Variants in DNAAF4 observed in about 807,000 individuals in gnomAD.
DNAAF4 encodes the protein dynein assembly factor 4, axonemal.
A neutral mutation model predicts 51.8 loss-of-function variants in DNAAF4; 43 were observed. The ratio of observed to expected loss-of-function variants is 0.83; its 90% confidence interval spans 0.65 to 1.07. DNAAF4 has a LOEUF of 1.07. Ranked by LOEUF, DNAAF4 falls within the 50% of genes least tolerant of loss-of-function variation. The probability of loss-of-function intolerance (pLI) is 0.00; values close to 1 mark genes in which losing one functional copy is unlikely to be tolerated. For synonymous variants in DNAAF4, 194 were observed against 165.6 expected (o/e 1.17, Z -1.32); for missense variants, 581 against 493.0 (o/e 1.18, Z -1.69).
chr15:55,491,724 TATATA>T (rs202021430), intron 3 of DNAAF4, among the ~76,000 whole-genome samples: 5,549 of 140,076 alleles, frequency 0.04, 144 homozygotes, highest in Non-Finnish European at 0.052. Context: ...TATATAATAG[TATATA>T]ATATAATATA....
intron 1 of DNAAF4, among the ~76,000 whole-genome samples, chr15:55,502,963 C>T (rs910179120): frequency 6.6e-6 from 1 of 151,876 alleles, no homozygotes; most frequent in African/African-American, 2.4e-5. Flanking sequence ...AAAAACCATT[C>T]AAAAAAATCA....
In DNAAF4 at chr15:55,477,988, C is replaced by G. The variant is rs545238402; in HGVS notation, c.406-10827G>C. On this transcript the variant is annotated intron_variant, in intron 4 of 9. Transcript: ENST00000321149. ...CACTGGAGGACTGACTGCCCCAGCT[C>G]CCACGGAGGAGCTCAGTCAGTTAAG... is the stretch of plus-strand genomic sequence containing the variant. 1.1e-4 allele frequency among the ~76,000 whole-genome samples: 17 copies of G among 152,230 alleles called. 1 individual carries two copies. In the South Asian group the frequency reaches 3.3e-3, roughly 30 times the overall value.
chr15:55,436,969 C>A (rs148663929), intron 7 of DNAAF4, among the ~76,000 whole-genome samples: 2 of 152,018 alleles, frequency 1.3e-5, no homozygotes, highest in East Asian at 3.9e-4. Flanking sequence ...TACAGGTATG[C>A]GCCACCACAC....
chr15:55,483,832 G>GATTTTTTTT (rs2058445678), intron 4 of DNAAF4, among the ~76,000 whole-genome samples: 1 of 46,304 alleles, frequency 2.2e-5, no homozygotes, highest in Admixed American at 3.7e-4. Flanking sequence ...AGCCAATAAA[G>GATTTTTTTT]CTTTTTTTTT....
chr15:55,432,339 C>G (rs2057509628), intron 9 of DNAAF4, among the ~76,000 whole-genome samples, 158 bp downstream of exon 9: 1 of 152,084 alleles, frequency 6.6e-6, no homozygotes, highest in Non-Finnish European at 1.5e-5. Context: ...ATTTAGAAAT[C>G]ATGTATTGTC....
chr15:55,477,884 G>A (rs1247644456), intron 4 of DNAAF4, among the ~76,000 whole-genome samples: 1 of 149,352 alleles, frequency 6.7e-6, no homozygotes, highest in Non-Finnish European at 1.5e-5. Flanking sequence ...TGGCCAACAT[G>A]GTGAAAACCT....
At position 55,446,344 on chromosome 15, in the gene DNAAF4, G is replaced by A. The variant is rs547899162; in HGVS notation, c.783+3878C>T. Among the ~76,000 whole-genome samples the A allele has an allele frequency of 1.0e-3, 134 of 128,334 alleles. 2 individuals carry two copies. Among genetic ancestry groups the A allele is most frequent in the Non-Finnish European group, 1.9e-3 (123 of 63,114 alleles). The allele number at this position is 128,334 out of a possible 152,430, so 84.2% of individuals were successfully genotyped here. On this transcript the variant is annotated intron_variant, in intron 6 of 9. Coordinates refer to ENST00000321149, the MANE Select transcript of DNAAF4 (RefSeq NM_130810.4). Reference sequence around the variant, plus strand: ...GAGGCACTCCTCACTTCCCAGACGGGGTGGCCAGGCAGAGGCACTCCTCAC... The same window carrying A: ...GAGGCACTCCTCACTTCCCAGACGGAGTGGCCAGGCAGAGGCACTCCTCAC...
chr15:55,446,298 G>GC lies in DNAAF4; in HGVS notation c.783+3923_783+3924insG, dbSNP rs535553086. ...AGAGGCGCTCCTCACATCCCAGACGGGGGGGGGGGGCAGCTGGGCAGAGGC... is the reference window on the plus strand; with the variant it reads ...AGAGGCGCTCCTCACATCCCAGACGGCGGGGGGGGGGCAGCTGGGCAGAGGC... On this transcript the variant is annotated intron_variant, in intron 6 of 9. Coordinates refer to ENST00000321149, the MANE Select transcript of DNAAF4 (RefSeq NM_130810.4). 1.7e-3 allele frequency among the ~76,000 whole-genome samples: 160 copies of GC among 94,314 alleles called. 5 individuals are homozygous for GC. The highest frequency in any genetic ancestry group is 2.9e-3 in the South Asian group (7 of 2,408). 61.9% of individuals were successfully genotyped at this position (94,314 alleles called of 152,430 possible).
intron 5 of DNAAF4, among the ~76,000 whole-genome samples, chr15:55,461,419 C>G (rs2058093454): frequency 1.3e-5 from 2 of 151,978 alleles, no homozygotes; most frequent in South Asian, 4.2e-4. Context: ...TTAAGAAAAT[C>G]AAAATTATAT....
chr15:55,422,973 G>A (rs1184787130), intron 7 of DNAAF4, among the ~76,000 whole-genome samples: 1 of 151,448 alleles, frequency 6.6e-6, no homozygotes, highest in Admixed American at 6.6e-5. Context: ...CTCCAGCCTG[G>A]GTGACAAGCA....
intron 4 of DNAAF4, among the ~76,000 whole-genome samples, chr15:55,469,914 A>C (rs1034328062): frequency 1.3e-5 from 2 of 152,160 alleles, no homozygotes; most frequent in Non-Finnish European, 2.9e-5. Context: ...CTCCACACAG[A>C]TGCCAATCAT....
chr15:55,461,317 C>T (rs1595919196), intron 5 of DNAAF4, among the ~76,000 whole-genome samples: 1 of 151,558 alleles, frequency 6.6e-6, no homozygotes, highest in South Asian at 2.1e-4. Flanking sequence ...AGAATGGTCT[C>T]GATCTCCTGA....
At chr15:55,481,644 C>T (rs953408748) in intron 4 of DNAAF4, among the ~76,000 whole-genome samples, 3 of 152,080 alleles carry the variant, frequency 2.0e-5, no homozygotes, top group Non-Finnish European at 4.4e-5. Context: ...TGCCCTAATC[C>T]GCACGAAGCA....
intron 4 of DNAAF4, among the ~76,000 whole-genome samples, chr15:55,489,849 G>T (rs7174998): frequency 0.2 from 29,641 of 151,010 alleles, 3,439 homozygotes; most frequent in African/African-American, 0.32. Flanking sequence ...ACTGCAACAT[G>T]TCAAAATGGG....
At chr15:55,497,467 G>A (rs926215590) in intron 3 of DNAAF4, among the ~76,000 whole-genome samples, 4 of 151,996 alleles carry the variant, frequency 2.6e-5, no homozygotes, top group African/African-American at 9.7e-5. Context: ...GGGCGTGGTG[G>A]CGGACACCTA....
intron 7 of DNAAF4, among the ~76,000 whole-genome samples, chr15:55,422,990 C>T (rs111294809): frequency 0.18 from 26,863 of 150,768 alleles, 4,122 homozygotes; most frequent in African/African-American, 0.42. Context: ...AGCAAAACTC[C>T]GTCTCAAAAA....
chr15:55,449,696 C>CTTTTTTTT (rs368060926), intron 6 of DNAAF4, among the ~76,000 whole-genome samples: 2 of 91,728 alleles, frequency 2.2e-5, no homozygotes, highest in Non-Finnish European at 3.9e-5. Flanking sequence ...AAAAAGACCG[C>CTTTTTTTT]TTTTTTTTTT....
Position 55,439,540 on chromosome 15 carries a change from A to G in DNAAF4, c.825T>C (p.Thr275=), listed in dbSNP as rs199955443. ...TTAAATCGCAAAGTTCAGCTATGTC[A>G]GTATTCATTGCTCTTCGTGCCTCAG... ...KQAEARRAMN[T]DIAELCDLKE... Residue 275 remains threonine (T), a synonymous_variant, in exon 7 of 10, where the codon ACT becomes ACC. Coordinates refer to ENST00000321149, the MANE Select transcript of DNAAF4 (RefSeq NM_130810.4). 22 of 1,614,120 alleles carry G rather than the reference A, an allele frequency of 1.4e-5. No homozygotes were observed. The Admixed American group carries it at 2.5e-4, about 18-fold the overall frequency.
At chr15:55,504,064 A>G (rs1392671965) in intron 1 of DNAAF4, among the ~76,000 whole-genome samples, 1 of 152,232 alleles carries the variant, frequency 6.6e-6, no homozygotes, top group Non-Finnish European at 1.5e-5. Context: ...GCTGATAAGC[A>G]ACTTCAGCAA....
Sources: allele counts gnomAD v4.1 joint callset (sites outside exome capture counted in the v4.1 genomes callset), GRCh38; gene constraint gnomAD v4.1.1; transcripts MANE v1.5; gene names NCBI Gene and HGNC (gene_info 2026-07-23, HGNC 2026-07-21).